PCGF5: variants seen among roughly 807,000 people sequenced by gnomAD.
PCGF5 encodes the protein polycomb group RING finger protein 5.
Under a neutral mutation model 44.3 loss-of-function variants are expected in PCGF5, and 9 were observed. The observed-to-expected ratio is 0.20, with a 90% CI of 0.12 to 0.35. PCGF5 has a LOEUF of 0.35. Among genes scored for constraint, PCGF5 ranks in the 10% least tolerant of loss-of-function variants. PCGF5 has a pLI of 1.00. For missense variants in PCGF5, 146 were observed against 305.3 expected, an observed-to-expected ratio of 0.48 and a Z score of 3.89; for synonymous variants, 95 against 102.5, an observed-to-expected ratio of 0.93 and a Z score of 0.44.
At chr10:91,190,865 G>C (rs879571681) in intron 1 of PCGF5, among the ~76,000 whole-genome samples, 6 of 152,158 alleles carry the variant, frequency 3.9e-5, no homozygotes, top group Non-Finnish European at 8.8e-5. Context: ...ATCAGTTCCT[G>C]CTGTCTTTTG....
At chr10:91,174,481 T>G (rs1372930721) in intron 1 of PCGF5, among the ~76,000 whole-genome samples, 1 of 152,136 alleles carries the variant, frequency 6.6e-6, no homozygotes, top group Non-Finnish European at 1.5e-5. Flanking sequence ...TACTCCAGCA[T>G]GGGCAACAGA....
At chr10:91,203,005 A>G (rs1386156049) in intron 1 of PCGF5, among the ~76,000 whole-genome samples, 2 of 152,216 alleles carry the variant, frequency 1.3e-5, no homozygotes, top group Non-Finnish European at 2.9e-5. Flanking sequence ...ATACAGGCCA[A>G]ACATGATTTA....
In PCGF5 at chr10:91,230,586, A is replaced by C. The variant is rs150965948; in HGVS notation, c.112+7603A>C. On this transcript the variant is annotated intron_variant, in intron 2 of 9. Transcript: ENST00000336126. ...CAATTAATAGCAAATGATCAATGTTATATTTTAGTTTATATTGAACTAACA... is the reference window on the plus strand; with the variant it reads ...CAATTAATAGCAAATGATCAATGTTCTATTTTAGTTTATATTGAACTAACA... Among the ~76,000 whole-genome samples the C allele has an allele frequency of 1.6e-3, 244 of 152,250 alleles. 1 individual carries two copies. The highest frequency in any genetic ancestry group is 5.8e-3 in the African/African-American group (239 of 41,544).
chr10:91,255,165 T>C (rs1313822400), intron 6 of PCGF5, among the ~76,000 whole-genome samples: 1 of 152,092 alleles, frequency 6.6e-6, no homozygotes, highest in Non-Finnish European at 1.5e-5. Flanking sequence ...GAAAAAGCCT[T>C]CTCTGTGGGT....
chr10:91,230,989 A>G lies in PCGF5; in HGVS notation c.112+8006A>G, dbSNP rs150107611. Among the ~76,000 whole-genome samples, 240 of 152,172 alleles carry G rather than the reference A, an allele frequency of 1.6e-3. 1 individual carries two copies. The highest frequency in any genetic ancestry group is 5.7e-3 in the African/African-American group (235 of 41,516). ...GCTCTTGAACTCCTGGACTCAAGCA[A>G]TCCTCCCACCTCAGCCTCCCATAGT... On this transcript the variant is annotated intron_variant, in intron 2 of 9. Coordinates refer to ENST00000336126, the MANE Select transcript of PCGF5 (RefSeq NM_032373.5).
At chr10:91,194,153 G>A (rs1844084634) in intron 1 of PCGF5, among the ~76,000 whole-genome samples, 1 of 152,150 alleles carries the variant, frequency 6.6e-6, no homozygotes, top group Admixed American at 6.5e-5. Context: ...GCAGAATAAT[G>A]GCCTCTAAAG....
chr10:91,198,385 A>G lies in PCGF5; in HGVS notation c.-183-24304A>G, dbSNP rs75582890. 4.7e-3 allele frequency among the ~76,000 whole-genome samples: 720 copies of G among 152,338 alleles called. 10 individuals carry two copies. Among genetic ancestry groups the G allele is most frequent in the African/African-American group, 0.017 (695 of 41,578 alleles). ...GTCACTCATCCTTTTGATAACTATA[A>G]GACCAACTTCCTTACCTGTTTTGTG... is the stretch of plus-strand genomic sequence containing the variant. On this transcript the variant is annotated intron_variant, in intron 1 of 9. Transcript: ENST00000614189.
intron 2 of PCGF5, among the ~76,000 whole-genome samples, chr10:91,234,271 C>G (rs1055725166): frequency 6.6e-6 from 1 of 152,126 alleles, no homozygotes; most frequent in African/African-American, 2.4e-5. Context: ...AGCTTCTAGA[C>G]CAGTGGGACT....
At chr10:91,190,470 A>G (rs1023958062) in intron 1 of PCGF5, among the ~76,000 whole-genome samples, 6 of 152,214 alleles carry the variant, frequency 3.9e-5, no homozygotes, top group Admixed American at 2.6e-4. Context: ...TAGTTTCCCC[A>G]TGTATAAAAC....
intron 1 of PCGF5, among the ~76,000 whole-genome samples, chr10:91,211,598 T>A (rs1481386126): frequency 6.6e-6 from 1 of 152,192 alleles, no homozygotes; most frequent in Non-Finnish European, 1.5e-5. Flanking sequence ...GCAGTTCTTC[T>A]ATCTTCATAG....
At chr10:91,260,152 G>T (rs916281367) in intron 6 of PCGF5, among the ~76,000 whole-genome samples, 1 of 124,772 alleles carries the variant, frequency 8.0e-6, no homozygotes, top group Non-Finnish European at 1.6e-5. Flanking sequence ...TGGGCAAAGG[G>T]TATGAACAGA....
At chr10:91,172,133 T>A (rs993268599) in intron 1 of PCGF5, among the ~76,000 whole-genome samples, 9 of 152,338 alleles carry the variant, frequency 5.9e-5, no homozygotes, top group African/African-American at 2.2e-4. Flanking sequence ...CAGTTAATAT[T>A]GCCCTCTAGG....
At chr10:91,212,981 A>C (rs938946362) in intron 1 of PCGF5, among the ~76,000 whole-genome samples, 1 of 152,216 alleles carries the variant, frequency 6.6e-6, no homozygotes, top group Admixed American at 6.5e-5. Context: ...TCAAAGGATA[A>C]TATTACACTC....
At chr10:91,194,773 TG>T (rs2133220151) in intron 1 of PCGF5, among the ~76,000 whole-genome samples, 1 of 151,986 alleles carries the variant, frequency 6.6e-6, no homozygotes, top group Admixed American at 6.5e-5. Context: ...AGGATCAAGG[TG>T]GGGGTCAAGA....
intron 5 of PCGF5, 42 bp from the exon 6 acceptor site, chr10:91,251,250 A>C (rs776352744): frequency 1.3e-6 from 2 of 1,514,730 alleles, no homozygotes; most frequent in South Asian, 1.2e-5. Flanking sequence ...TTTAAAATCA[A>C]CTTTGATTTA....
chr10:91,178,427 T>C (rs1430954725), intron 1 of PCGF5, among the ~76,000 whole-genome samples: 1 of 151,606 alleles, frequency 6.6e-6, no homozygotes, highest in Non-Finnish European at 1.5e-5. Context: ...TCTTGCTCTG[T>C]TGCCCAGGCT....
chr10:91,274,842 G>T (rs1415158566), intron 9 of PCGF5, among the ~76,000 whole-genome samples: 1 of 152,150 alleles, frequency 6.6e-6, no homozygotes, highest in Non-Finnish European at 1.5e-5. Flanking sequence ...AAGGAGGCCA[G>T]TGGGGCTGGA....
At chr10:91,188,096 A>G (rs1458386824) in intron 1 of PCGF5, among the ~76,000 whole-genome samples, 1 of 152,236 alleles carries the variant, frequency 6.6e-6, no homozygotes, top group African/African-American at 2.4e-5. Flanking sequence ...CCGAACAGGA[A>G]CAGCTCCGGT....
chr10:91,239,497 G>A (rs191437820), intron 2 of PCGF5, among the ~76,000 whole-genome samples: 4 of 152,228 alleles, frequency 2.6e-5, no homozygotes, highest in African/African-American at 9.6e-5. Context: ...TTTAGATAGT[G>A]TTGATCTTGA....
Sources: gnomAD v4.1 joint callset for allele counts (sites outside exome capture counted in the v4.1 genomes callset) on GRCh38, gnomAD v4.1.1 for gene constraint, MANE v1.5 for transcripts, NCBI Gene and HGNC (gene_info 2026-07-23, HGNC 2026-07-21) for gene names.